Variants in CDKAL1 observed in about 807,000 individuals in gnomAD.
CDKAL1 encodes the protein CDKAL1 threonylcarbamoyladenosine tRNA methylthiotransferase, also known as threonylcarbamoyladenosine tRNA methylthiotransferase.
CDKAL1 carries 32 observed loss-of-function variants against 68.2 expected under a neutral mutation model. That is an observed-to-expected ratio of 0.47 (90% CI 0.35 to 0.63). The LOEUF (loss-of-function observed/expected upper bound fraction) is 0.63, where lower values mean the gene tolerates loss of function less well. Among genes scored for constraint, CDKAL1 ranks in the 30% least tolerant of loss-of-function variants. CDKAL1 has a pLI of 0.00. For missense variants in CDKAL1, 606 were observed against 696.7 expected (o/e 0.87, Z 1.47); for synonymous variants, 234 against 244.3 (o/e 0.96, Z 0.39).
chr6:21,169,919 AG>A (rs1777308160), intron 13 of CDKAL1, among the ~76,000 whole-genome samples: 1 of 88,902 alleles, frequency 1.1e-5, no homozygotes, highest in African/African-American at 7.4e-5. Context: ...AGTACGGGAA[AG>A]ACCCCCCCCA....
chr6:21,139,483 T>G (rs1775791873), intron 13 of CDKAL1, among the ~76,000 whole-genome samples: 1 of 152,212 alleles, frequency 6.6e-6, no homozygotes, highest in African/African-American at 2.4e-5. Flanking sequence ...CTACCTTTAG[T>G]GCAAAATCAG....
At chr6:21,180,476 A>G (rs1487133310) in intron 13 of CDKAL1, among the ~76,000 whole-genome samples, 1 of 152,018 alleles carries the variant, frequency 6.6e-6, no homozygotes, top group Non-Finnish European at 1.5e-5. Flanking sequence ...GTGTTTTTAG[A>G]AGCAAGCAGA....
chr6:21,022,922 A>G (rs1768756240), intron 11 of CDKAL1, among the ~76,000 whole-genome samples: 1 of 152,150 alleles, frequency 6.6e-6, no homozygotes, highest in African/African-American at 2.4e-5. Context: ...ATATTGTCCA[A>G]TATATTTTAG....
chr6:20,580,153 A>G (rs1765082111), intron 4 of CDKAL1, among the ~76,000 whole-genome samples: 1 of 152,166 alleles, frequency 6.6e-6, no homozygotes, highest in Admixed American at 6.5e-5. Context: ...TTATTACCAC[A>G]TGAGGTCCTG....
At chr6:21,009,377 A>G (rs1439051747) in intron 11 of CDKAL1, among the ~76,000 whole-genome samples, 2 of 152,254 alleles carry the variant, frequency 1.3e-5, no homozygotes, top group Non-Finnish European at 2.9e-5. Flanking sequence ...TTAATACAAC[A>G]TTCTATAGTC....
chr6:21,136,457 A>G (rs1248660919), intron 13 of CDKAL1, among the ~76,000 whole-genome samples: 1 of 152,182 alleles, frequency 6.6e-6, no homozygotes, highest in East Asian at 1.9e-4. Flanking sequence ...TAATTACTGT[A>G]TTATTGGTAG....
At chr6:20,690,470 A>G (rs1770821340) in intron 5 of CDKAL1, among the ~76,000 whole-genome samples, 1 of 152,146 alleles carries the variant, frequency 6.6e-6, no homozygotes, top group African/African-American at 2.4e-5. Context: ...TGTTCTCTAG[A>G]GAAGAGATAT....
intron 15 of CDKAL1, among the ~76,000 whole-genome samples, chr6:21,208,318 C>G (rs1215964597): frequency 1.3e-5 from 2 of 152,190 alleles, no homozygotes; most frequent in African/African-American, 2.4e-5. Flanking sequence ...ACTATATTCT[C>G]AGAGCTTTGA....
At chr6:21,205,684 C>G (rs2151112721) in intron 15 of CDKAL1, among the ~76,000 whole-genome samples, 1 of 151,222 alleles carries the variant, frequency 6.6e-6, no homozygotes, top group South Asian at 2.1e-4. Flanking sequence ...GAACCCGCCA[C>G]CACGCCCAGC....
At chr6:20,658,359 C>T (rs563669308) in intron 5 of CDKAL1, among the ~76,000 whole-genome samples, 61 of 152,104 alleles carry the variant, frequency 4.0e-4, no homozygotes, top group African/African-American at 1.5e-3. Flanking sequence ...ATGGTAATGT[C>T]GAAGGGATGG....
chr6:20,866,038 C>T (rs1415500252), intron 9 of CDKAL1, among the ~76,000 whole-genome samples: 1 of 152,110 alleles, frequency 6.6e-6, no homozygotes, highest in African/African-American at 2.4e-5. Flanking sequence ...TTGTGATCTG[C>T]TCTTGTTTTG....
intron 10 of CDKAL1, among the ~76,000 whole-genome samples, chr6:20,966,729 A>C (rs1057173313): frequency 6.6e-6 from 1 of 152,224 alleles, no homozygotes; most frequent in African/African-American, 2.4e-5. Flanking sequence ...TTCATAGTTT[A>C]ATGTTAAAAT....
intron 12 of CDKAL1, among the ~76,000 whole-genome samples, chr6:21,104,198 A>G (rs1773729393): frequency 6.7e-6 from 1 of 150,336 alleles, no homozygotes; most frequent in African/African-American, 2.5e-5. Context: ...CACTTGGAAT[A>G]TTTTTTGCCT....
intron 8 of CDKAL1, among the ~76,000 whole-genome samples, chr6:20,797,886 G>A (rs185104542): frequency 4.0e-4 from 61 of 151,218 alleles, no homozygotes; most frequent in African/African-American, 1.3e-3. Flanking sequence ...GCGCAACCAC[G>A]GTTCGCTGCG....
At chr6:20,732,208 G>A (rs1191652422) in intron 5 of CDKAL1, among the ~76,000 whole-genome samples, 1 of 150,444 alleles carries the variant, frequency 6.6e-6, no homozygotes, top group Non-Finnish European at 1.5e-5. Context: ...ATCTTGCCTG[G>A]CTATGAGAAC....
At chr6:20,843,920 G>A (rs9356756) in intron 8 of CDKAL1, among the ~76,000 whole-genome samples, 87,127 of 151,958 alleles carry the variant, frequency 0.57, 25,816 homozygotes, top group East Asian at 0.8. Flanking sequence ...CCAGTCATAC[G>A]TGGGAATCAC....
Position 20,964,355 on chromosome 6 carries a change from C to G in CDKAL1, c.909+8770C>G, listed in dbSNP as rs555860128. Among the ~76,000 whole-genome samples, 23 of 152,256 alleles carry G rather than the reference C, an allele frequency of 1.5e-4. No homozygotes were observed. In the South Asian group the frequency reaches 4.1e-3, roughly 27 times the overall value. On this transcript the variant is annotated intron_variant, in intron 10 of 15. Transcript: ENST00000274695. Reference sequence around the variant, plus strand: ...AATCATTCTGTTATAAAGTCACATGCGTGGGTATGTTCATAGGAGCAGTAT... The same window carrying G: ...AATCATTCTGTTATAAAGTCACATGGGTGGGTATGTTCATAGGAGCAGTAT...
At chr6:21,056,947 C>T (rs571057789) in intron 11 of CDKAL1, among the ~76,000 whole-genome samples, 2 of 152,218 alleles carry the variant, frequency 1.3e-5, no homozygotes, top group Admixed American at 1.3e-4. Context: ...AGGATTTTTG[C>T]ATTGATGTTC....
At chr6:21,140,571 A>G (rs1405147368) in intron 13 of CDKAL1, among the ~76,000 whole-genome samples, 1 of 152,164 alleles carries the variant, frequency 6.6e-6, no homozygotes, top group Non-Finnish European at 1.5e-5. Flanking sequence ...GTGTCACTCT[A>G]TCAAGGGGCT....
Sources: allele counts gnomAD v4.1 joint callset (sites outside exome capture counted in the v4.1 genomes callset), GRCh38; gene constraint gnomAD v4.1.1; transcripts MANE v1.5; gene names NCBI Gene and HGNC (gene_info 2026-07-23, HGNC 2026-07-21).